The following PLEKHH2 variants were observed in gnomAD, a reference collection of about 807,000 sequenced individuals.
PLEKHH2 encodes the protein pleckstrin homology, MyTH4 and FERM domain containing H2.
In PLEKHH2, 129 loss-of-function variants were observed where a neutral mutation model predicts 187.9. That is an observed-to-expected ratio of 0.69 (90% CI 0.59 to 0.79). The LOEUF (loss-of-function observed/expected upper bound fraction) is 0.79. Among genes scored for constraint, PLEKHH2 ranks in the 30% least tolerant of loss-of-function variants. PLEKHH2 has a pLI of 0.00. For missense variants in PLEKHH2, 2,076 were observed against 1,751.2 expected (o/e 1.19, Z -3.31); for synonymous variants, 686 against 605.6 (o/e 1.13, Z -1.95).
At chr2:43,639,994 C>G (rs895407883) in intron 1 of PLEKHH2, among the ~76,000 whole-genome samples, 7 of 152,000 alleles carry the variant, frequency 4.6e-5, no homozygotes, top group African/African-American at 1.7e-4. Context: ...TGATGGTGGA[C>G]ACAGGCTGTT....
At chr2:43,703,035 T>G (rs1354322117) in intron 8 of PLEKHH2, among the ~76,000 whole-genome samples, 1 of 152,182 alleles carries the variant, frequency 6.6e-6, no homozygotes, top group Non-Finnish European at 1.5e-5. Context: ...TGTGTGGGTG[T>G]ATCTCACACT....
chr2:43,744,166 A>C, intron 23 of PLEKHH2, 177 bp downstream of exon 23: 1 of 1,322,882 alleles, frequency 7.6e-7, no homozygotes. Flanking sequence ...TAGAATTCTT[A>C]ATACACAATC....
intron 3 of PLEKHH2, among the ~76,000 whole-genome samples, chr2:43,683,423 G>A (rs1333127515): frequency 6.6e-6 from 1 of 151,916 alleles, no homozygotes; most frequent in Non-Finnish European, 1.5e-5. Flanking sequence ...ACAGGTGTGA[G>A]CCACCTCGCC....
intron 19 of PLEKHH2, among the ~76,000 whole-genome samples, chr2:43,731,963 A>G (rs1393751649): frequency 6.6e-6 from 1 of 152,160 alleles, no homozygotes; most frequent in Non-Finnish European, 1.5e-5. Flanking sequence ...TCAATTTCTT[A>G]TTCCTCAATC....
At chr2:43,641,564 ATTC>A (rs1353624107) in intron 1 of PLEKHH2, among the ~76,000 whole-genome samples, 2 of 152,070 alleles carry the variant, frequency 1.3e-5, no homozygotes, top group African/African-American at 4.8e-5. Flanking sequence ...GCTCAAGACA[ATTC>A]TTCTTCTAAC....
At position 43,760,061 on chromosome 2, in the gene PLEKHH2, G is replaced by A. The variant is rs78894233; in HGVS notation, c.4071+1032G>A. On this transcript the variant is annotated intron_variant, in intron 27 of 29. Transcript: ENST00000282406. The stretch of plus-strand genomic sequence containing the variant: ...ACATCTATAAAATTAATGTACTTAC[G>A]GGAAGTTGAACGTTACTTTTTAAAA... 7.9e-3 allele frequency among the ~76,000 whole-genome samples: 1,197 copies of A among 152,134 alleles called. 17 individuals are homozygous for A. Among genetic ancestry groups the A allele is most frequent in the African/African-American group, 0.027 (1,126 of 41,512 alleles).
chr2:43,726,242 C>G, intron 16 of PLEKHH2, 30 bp from the exon 17 acceptor site: 1 of 1,481,462 alleles, frequency 6.8e-7, no homozygotes, highest in Non-Finnish European at 9.3e-7. Context: ...TAGAAAATGC[C>G]TTCCTCACAA....
intron 1 of PLEKHH2, among the ~76,000 whole-genome samples, chr2:43,638,248 A>AACACACACACACACACAC (rs70965309): frequency 6.7e-6 from 1 of 148,754 alleles, no homozygotes; most frequent in African/African-American, 2.5e-5. Context: ...AAGATCTTTT[A>AACACACACACACACACAC]ACACACACAC....
intron 2 of PLEKHH2, chr2:43,676,437 G>A: frequency 1.3e-6 from 1 of 755,002 alleles, no homozygotes; most frequent in Non-Finnish European, 2.1e-6. Flanking sequence ...TCTAGCTGCG[G>A]GAGGTCGCTT....
chr2:43,740,913 G>A (rs778230758), intron 20 of PLEKHH2, 33 bp from the exon 21 acceptor site: 1 of 1,607,016 alleles, frequency 6.2e-7, no homozygotes, highest in Non-Finnish European at 8.5e-7. Flanking sequence ...ACTGGCACGT[G>A]GTATCTAACC....
chr2:43,707,361 T>G, intron 10 of PLEKHH2, 40 bp from the exon 11 acceptor site: 1 of 1,611,980 alleles, frequency 6.2e-7, no homozygotes, highest in Non-Finnish European at 8.5e-7. Flanking sequence ...AGTGGTAACA[T>G]TAGGGATGGA....
intron 1 of PLEKHH2, among the ~76,000 whole-genome samples, chr2:43,638,138 G>C (rs1475838490): frequency 3.3e-5 from 5 of 152,200 alleles, no homozygotes; most frequent in African/African-American, 9.6e-5. Flanking sequence ...GGCTGTTCTG[G>C]GCAGGGTCAC....
chr2:43,697,488 A>G (rs1295517787), intron 7 of PLEKHH2, 132 bp downstream of exon 7: 1 of 736,272 alleles, frequency 1.4e-6, no homozygotes, highest in Non-Finnish European at 2.1e-6. Context: ...GAATGTTTCT[A>G]AAGAGCAATA....
At chr2:43,657,931 G>C (rs766196577) in intron 2 of PLEKHH2, among the ~76,000 whole-genome samples, 29 of 152,114 alleles carry the variant, frequency 1.9e-4, no homozygotes, top group Admixed American at 6.5e-4. Context: ...ATCTACAATT[G>C]TGCCTACACT....
chr2:43,718,218 T>C (rs965182533), intron 15 of PLEKHH2, among the ~76,000 whole-genome samples: 1 of 152,190 alleles, frequency 6.6e-6, no homozygotes, highest in African/African-American at 2.4e-5. Flanking sequence ...ATTTGTTTTC[T>C]AGTTTTTTAA....
chr2:43,738,638 T>C, intron 20 of PLEKHH2, 118 bp downstream of exon 20: 2 of 956,640 alleles, frequency 2.1e-6, no homozygotes, highest in East Asian at 2.6e-5. Flanking sequence ...GAAGGAAAAA[T>C]AGGTATTAAT....
intron 19 of PLEKHH2, among the ~76,000 whole-genome samples, chr2:43,733,393 T>G (rs934155613): frequency 4.0e-5 from 6 of 150,692 alleles, no homozygotes; most frequent in African/African-American, 1.2e-4. Flanking sequence ...ATCCCTCCAC[T>G]TAATAGACAA....
chr2:43,747,316 A>G (rs1671824778), intron 24 of PLEKHH2, among the ~76,000 whole-genome samples: 1 of 152,138 alleles, frequency 6.6e-6, no homozygotes, highest in South Asian at 2.1e-4. Context: ...TTCTCTGAAG[A>G]GAGAGAGAGG....
At position 43,738,364 on chromosome 2, in the gene PLEKHH2, T is replaced by C; in HGVS notation, c.2967T>C (p.Ala989=). Residue 989 remains alanine, a synonymous_variant, in exon 20 of 30, where the codon GCT becomes GCC. Coordinates refer to ENST00000282406, the MANE Select transcript of PLEKHH2 (RefSeq NM_172069.4). Reference sequence around the variant, plus strand: ...AGACCTGCCAGCTTTTTATAAATGCTGCAGTTGACTCTCCTGCAATTGATT... The same window carrying C: ...AGACCTGCCAGCTTTTTATAAATGCCGCAGTTGACTCTCCTGCAATTGATT... ...LFKTCQLFIN[A]AVDSPAIDYH... 1.2e-6 allele frequency: 2 copies of C among 1,611,226 alleles called. No individual in the cohort carries two copies. Among genetic ancestry groups the C allele is most frequent in the Non-Finnish European group, 1.7e-6 (2 of 1,178,024 alleles).
Sources: gnomAD v4.1 joint callset for allele counts (sites outside exome capture counted in the v4.1 genomes callset) on GRCh38, gnomAD v4.1.1 for gene constraint, MANE v1.5 for transcripts, NCBI Gene and HGNC (gene_info 2026-07-23, HGNC 2026-07-21) for gene names.